The following PRKD1 variants were observed in gnomAD, a reference collection of about 807,000 sequenced individuals.
PRKD1 encodes serine/threonine-protein kinase D1.
Under a neutral mutation model 95.9 loss-of-function variants are expected in PRKD1, and 63 were observed. The ratio of observed to expected loss-of-function variants is 0.66; its 90% CI spans 0.54 to 0.81. The LOEUF is 0.81. Among genes scored for constraint, PRKD1 ranks in the 30% least tolerant of loss-of-function variants. The probability of loss-of-function intolerance (pLI) is 0.00; values close to 1 mark genes in which losing one functional copy is unlikely to be tolerated. For missense variants in PRKD1, 1,048 were observed against 1,165.3 expected (o/e 0.90, Z 1.47); for synonymous variants, 425 against 423.1 (o/e 1.00, Z -0.05).
intron 1 of PRKD1, among the ~76,000 whole-genome samples, chr14:29,726,323 C>A (rs916452203): frequency 1.3e-5 from 2 of 152,086 alleles, no homozygotes; most frequent in Admixed American, 1.3e-4. Flanking sequence ...TCCATCTGCA[C>A]AGCATGGAGG....
intron 1 of PRKD1, among the ~76,000 whole-genome samples, chr14:29,909,883 G>T (rs1022356843): frequency 1.3e-5 from 2 of 152,166 alleles, no homozygotes; most frequent in Non-Finnish European, 2.9e-5. Context: ...CTAATCTAGT[G>T]GGGACTGGGA....
intron 2 of PRKD1, among the ~76,000 whole-genome samples, chr14:29,685,701 A>C (rs944451521): frequency 1.3e-5 from 2 of 151,066 alleles, no homozygotes; most frequent in African/African-American, 4.9e-5. Context: ...TTATAACTCA[A>C]AGAATGAGCA....
At chr14:29,639,600 CAA>C (rs1012162906) in intron 4 of PRKD1, among the ~76,000 whole-genome samples, 4 of 147,848 alleles carry the variant, frequency 2.7e-5, no homozygotes, top group Non-Finnish European at 6.0e-5. Flanking sequence ...GCCTGGGTAA[CAA>C]GAGTGAAACT....
chr14:29,603,473 G>A (rs1197869990), intron 13 of PRKD1, among the ~76,000 whole-genome samples: 10 of 152,074 alleles, frequency 6.6e-5, no homozygotes, highest in East Asian at 1.9e-4. Context: ...AGAATATGCC[G>A]TTAGCCTAGA....
At chr14:29,638,450 T>C (rs760682588) in intron 6 of PRKD1, 39 bp downstream of exon 6, 3 of 1,605,048 alleles carry the variant, frequency 1.9e-6, no homozygotes, top group East Asian at 2.2e-5. Context: ...CTCTCTAATA[T>C]GGAAGAAGCA....
intron 1 of PRKD1, among the ~76,000 whole-genome samples, chr14:29,797,938 C>T (rs1029374708): frequency 6.6e-6 from 1 of 152,164 alleles, no homozygotes; most frequent in African/African-American, 2.4e-5. Flanking sequence ...CTAGACCCAA[C>T]CCATATATAC....
chr14:29,754,737 T>C (rs1887621018), intron 1 of PRKD1, among the ~76,000 whole-genome samples: 1 of 152,104 alleles, frequency 6.6e-6, no homozygotes, highest in African/African-American at 2.4e-5. Flanking sequence ...TATGACTTGG[T>C]ATTACATCTT....
At chr14:29,909,269 G>A (rs540938299) in intron 1 of PRKD1, among the ~76,000 whole-genome samples, 15 of 150,880 alleles carry the variant, frequency 9.9e-5, no homozygotes, top group South Asian at 2.1e-4. Context: ...CGCCATGCCC[G>A]AGCCTCCCCC....
At chr14:29,630,582 C>T in intron 10 of PRKD1, 160 bp downstream of exon 10, 1 of 795,458 alleles carries the variant, frequency 1.3e-6, no homozygotes. Context: ...TTAGTATGTG[C>T]AGCAGCTTTT....
At chr14:29,579,001 AG>A (rs756332484) in intron 16 of PRKD1, among the ~76,000 whole-genome samples, 8 of 152,128 alleles carry the variant, frequency 5.3e-5, no homozygotes, top group Non-Finnish European at 1.2e-4. Flanking sequence ...GACTTTCTAG[AG>A]GAAGACAGGA....
At chr14:29,879,871 T>C (rs1032823931) in intron 1 of PRKD1, among the ~76,000 whole-genome samples, 2 of 152,144 alleles carry the variant, frequency 1.3e-5, no homozygotes, top group African/African-American at 4.8e-5. Context: ...TAGAGATCTG[T>C]GGAACTTTGA....
chr14:29,646,743 AC>A (rs1182956109), intron 4 of PRKD1, among the ~76,000 whole-genome samples: 1 of 150,088 alleles, frequency 6.7e-6, no homozygotes, highest in African/African-American at 2.5e-5. Flanking sequence ...AAACAAACAA[AC>A]AAAAAACGAA....
At chr14:29,593,387 C>T (rs1238766335) in intron 16 of PRKD1, among the ~76,000 whole-genome samples, 1 of 152,088 alleles carries the variant, frequency 6.6e-6, no homozygotes, top group Non-Finnish European at 1.5e-5. Flanking sequence ...TGTTTTTAGC[C>T]TATCATCTTT....
chr14:29,696,593 T>C (rs1442566204), intron 2 of PRKD1, among the ~76,000 whole-genome samples: 1 of 152,200 alleles, frequency 6.6e-6, no homozygotes, highest in Non-Finnish European at 1.5e-5. Flanking sequence ...AAACCACTGA[T>C]TTGTAAATTT....
chr14:29,700,704 G>C (rs1884782072), intron 2 of PRKD1, among the ~76,000 whole-genome samples: 1 of 152,108 alleles, frequency 6.6e-6, no homozygotes, highest in Non-Finnish European at 1.5e-5. Context: ...TAGACTTTGA[G>C]TAAAGCAGTT....
At chr14:29,642,050 T>C (rs1487994678) in intron 4 of PRKD1, among the ~76,000 whole-genome samples, 11 of 151,900 alleles carry the variant, frequency 7.2e-5, no homozygotes, top group Non-Finnish European at 1.3e-4. Context: ...ATTATAGGCA[T>C]GTGCCACCAC....
intron 13 of PRKD1, among the ~76,000 whole-genome samples, chr14:29,612,823 G>A (rs1488886683): frequency 1.3e-5 from 2 of 152,176 alleles, no homozygotes; most frequent in Non-Finnish European, 2.9e-5. Flanking sequence ...TGTAGGGCGG[G>A]CACGGTGGCT....
rs1437331838 is a variant in PRKD1, at chr14:29,826,786, TATACAC to T, written c.264+100457_264+100462del. Among the ~76,000 whole-genome samples the T allele has an allele frequency of 4.4e-3, 215 of 49,388 alleles. 7 individuals carry two copies. Among genetic ancestry groups the T allele is most frequent in the South Asian group, 7.1e-3 (9 of 1,272 alleles). The allele number at this position is 49,388 out of a possible 152,430, so 32.4% of individuals were successfully genotyped here. ...ATATATATACACATATATATACATA[TATACAC>T]ATATATATACACATATATATACACA... On this transcript the variant is annotated intron_variant, in intron 1 of 17. Transcript: ENST00000331968.
chr14:29,800,184 C>T lies in PRKD1; in HGVS notation c.265-74510G>A, dbSNP rs75225877. ...GACAAGAGACTCACAGGAACTAACCCACCCTGTATTTCTCCCAGGAGAAAT... is the reference window on the plus strand; with the variant it reads ...GACAAGAGACTCACAGGAACTAACCTACCCTGTATTTCTCCCAGGAGAAAT... On this transcript the variant is annotated intron_variant, in intron 1 of 17. Coordinates refer to ENST00000331968, the MANE Select transcript of PRKD1 (RefSeq NM_002742.3). Among the ~76,000 whole-genome samples, 1,079 of 152,286 alleles carry T rather than the reference C, an allele frequency of 7.1e-3. 15 individuals are homozygous for T. The highest frequency in any genetic ancestry group is 0.024 in the African/African-American group (999 of 41,560).
Sources: allele counts gnomAD v4.1 joint callset (sites outside exome capture counted in the v4.1 genomes callset), GRCh38; gene constraint gnomAD v4.1.1; transcripts MANE v1.5; gene names NCBI Gene and HGNC (gene_info 2026-07-23, HGNC 2026-07-21).